Variants in CYRIA observed in about 807,000 individuals in gnomAD.
CYRIA encodes CYFIP related Rac1 interactor A.
Under a neutral mutation model 43.9 loss-of-function variants are expected in CYRIA, and 15 were observed. The ratio of observed to expected loss-of-function variants is 0.34; its 90% confidence interval spans 0.23 to 0.53. The LOEUF is 0.53. Ranked by LOEUF, CYRIA falls within the 20% of genes least tolerant of loss-of-function variation. The probability of loss-of-function intolerance (pLI) is 0.94; values close to 1 mark genes in which losing one functional copy is unlikely to be tolerated. For missense variants in CYRIA, 236 were observed against 394.2 expected, an observed-to-expected ratio of 0.60 and a Z score of 3.40; for synonymous variants, 117 against 136.0, an observed-to-expected ratio of 0.86 and a Z score of 0.97.
intron 2 of CYRIA, among the ~76,000 whole-genome samples, chr2:16,599,655 C>T (rs112797220): frequency 2.7e-5 from 4 of 148,288 alleles, no homozygotes; most frequent in African/African-American, 2.5e-5. Context: ...GAGATGAACC[C>T]GGTACCTCAG....
intron 1 of CYRIA, among the ~76,000 whole-genome samples, chr2:16,635,993 C>T (rs1669485431): frequency 6.6e-6 from 1 of 152,034 alleles, no homozygotes; most frequent in African/African-American, 2.4e-5. Flanking sequence ...GTGGCAAGCA[C>T]GGGGAACTGC....
rs73211602 is a variant in CYRIA at position 16,628,522 on chromosome 2, C to T, written c.-166-4503G>A. Among the ~76,000 whole-genome samples the T allele has an allele frequency of 7.4e-3, 1,133 of 152,342 alleles. 18 individuals carry two copies. The highest frequency in any genetic ancestry group is 0.025 in the African/African-American group (1,032 of 41,574). On this transcript the variant is annotated intron_variant, in intron 1 of 11. Coordinates refer to ENST00000381323, the MANE Select transcript of CYRIA (RefSeq NM_030797.4). The stretch of plus-strand genomic sequence containing the variant: ...TTACTTCCACATACTCCCTACGCTA[C>T]ACATCCACACTAAGTGCTGCTAACC...
intron 2 of CYRIA, among the ~76,000 whole-genome samples, chr2:16,609,480 C>T (rs1644377399): frequency 6.6e-6 from 1 of 152,214 alleles, no homozygotes; most frequent in Non-Finnish European, 1.5e-5. Flanking sequence ...GTTTCTACCA[C>T]GGGACCCTTG....
In CYRIA at chr2:16,552,805, T is replaced by G. The variant is rs1162011309; in HGVS notation, c.*131A>C. 2 of 644,992 alleles carry G rather than the reference T, an allele frequency of 3.1e-6. No homozygotes were observed. The highest frequency in any genetic ancestry group is 5.6e-5 in the East Asian group (2 of 35,730). The allele number at this position is 644,992 out of a possible 1,614,324, so 40.0% of individuals were successfully genotyped here. A position where few individuals can be genotyped will look rare whatever the true frequency, so the allele number is the denominator to read the frequency against. On this transcript the variant is annotated 3_prime_UTR_variant, in exon 12 of 12. Transcript: ENST00000381323. ...GAGTCAGTCAGGATACAAATTAAGG[T>G]CCATATATTTCAGTGACAAGAAGGA...
intron 2 of CYRIA, among the ~76,000 whole-genome samples, chr2:16,621,955 T>C (rs1180306532): frequency 1.3e-5 from 2 of 152,206 alleles, no homozygotes; most frequent in Non-Finnish European, 2.9e-5. Context: ...TTCTGTCCTG[T>C]ATCCCTAGCA....
chr2:16,623,614 G>T (rs577445040), intron 2 of CYRIA, among the ~76,000 whole-genome samples: 21 of 152,224 alleles, frequency 1.4e-4, no homozygotes, highest in African/African-American at 4.3e-4. Flanking sequence ...AAGGAACCTA[G>T]ATCTACAGCT....
chr2:16,663,987 C>T (rs980109590), intron 1 of CYRIA, among the ~76,000 whole-genome samples: 11 of 152,120 alleles, frequency 7.2e-5, no homozygotes, highest in Admixed American at 5.2e-4. Context: ...ATCAATGTGA[C>T]CTTAGGGAAA....
chr2:16,642,839 A>C (rs1045860948), intron 1 of CYRIA, among the ~76,000 whole-genome samples: 1 of 152,096 alleles, frequency 6.6e-6, no homozygotes, highest in Non-Finnish European at 1.5e-5. Flanking sequence ...TCATTTTCTC[A>C]ATGAGAACCA....
chr2:16,604,622 A>G (rs1322927792), intron 2 of CYRIA, among the ~76,000 whole-genome samples: 2 of 152,268 alleles, frequency 1.3e-5, no homozygotes, highest in East Asian at 3.8e-4. Flanking sequence ...GTGTTAAAAA[A>G]TACTTCTCAT....
chr2:16,608,300 A>T (rs1202576365), intron 2 of CYRIA, among the ~76,000 whole-genome samples: 1 of 152,242 alleles, frequency 6.6e-6, no homozygotes, highest in Non-Finnish European at 1.5e-5. Flanking sequence ...TTGGGTGATT[A>T]GCCCTTTTGT....
chr2:16,577,006 C>T (rs1667376723), intron 3 of CYRIA, among the ~76,000 whole-genome samples: 1 of 152,034 alleles, frequency 6.6e-6, no homozygotes, highest in South Asian at 2.1e-4. Flanking sequence ...GTTTCCTGGG[C>T]ATGGGGAAGG....
intron 2 of CYRIA, among the ~76,000 whole-genome samples, chr2:16,590,153 A>G (rs1308369761): frequency 1.3e-5 from 2 of 152,008 alleles, no homozygotes; most frequent in Non-Finnish European, 2.9e-5. Flanking sequence ...CTTTTCTGTC[A>G]TTCTTCCATT....
At chr2:16,563,263 G>A (rs772168639) in intron 5 of CYRIA, among the ~76,000 whole-genome samples, 3 of 152,120 alleles carry the variant, frequency 2.0e-5, no homozygotes, top group South Asian at 2.1e-4. Context: ...CTTGGAAAAC[G>A]GGTTTGGTTC....
chr2:16,601,332 G>A (rs893789392), intron 2 of CYRIA, among the ~76,000 whole-genome samples: 3 of 152,174 alleles, frequency 2.0e-5, no homozygotes, highest in African/African-American at 7.2e-5. Flanking sequence ...GATTCTGAGT[G>A]TGAAGGGAAC....
chr2:16,634,396 T>A (rs1669429825), intron 1 of CYRIA, among the ~76,000 whole-genome samples: 4 of 152,182 alleles, frequency 2.6e-5, no homozygotes, highest in East Asian at 1.9e-4. Context: ...AGTAGACACA[T>A]CTGATGGTAA....
At chr2:16,633,209 C>A (rs915562204) in intron 1 of CYRIA, among the ~76,000 whole-genome samples, 1 of 152,134 alleles carries the variant, frequency 6.6e-6, no homozygotes, top group East Asian at 1.9e-4. Flanking sequence ...TCTTGCCCTG[C>A]CTTGCAGCCT....
At chr2:16,587,314 A>T (rs1008058017) in intron 3 of CYRIA, among the ~76,000 whole-genome samples, 1 of 152,142 alleles carries the variant, frequency 6.6e-6, no homozygotes, top group Non-Finnish European at 1.5e-5. Context: ...AGTAATTCAT[A>T]AACATTTTTA....
At chr2:16,655,520 T>C (rs1400422035) in intron 1 of CYRIA, among the ~76,000 whole-genome samples, 1 of 152,174 alleles carries the variant, frequency 6.6e-6, no homozygotes, top group African/African-American at 2.4e-5. Flanking sequence ...TGCAACAATA[T>C]TTCACATTCT....
At chr2:16,603,377 G>C (rs1238550873) in intron 2 of CYRIA, among the ~76,000 whole-genome samples, 1 of 152,182 alleles carries the variant, frequency 6.6e-6, no homozygotes, top group Non-Finnish European at 1.5e-5. Flanking sequence ...CAGTTTCAGA[G>C]ATAAATAATC....
Sources: allele counts gnomAD v4.1 joint callset (sites outside exome capture counted in the v4.1 genomes callset), GRCh38; gene constraint gnomAD v4.1.1; transcripts MANE v1.5; gene names NCBI Gene and HGNC (gene_info 2026-07-23, HGNC 2026-07-21).